IL15: variants seen among roughly 807,000 people sequenced by gnomAD.
IL15 encodes the protein interleukin 15, also known as interleukin-15.
Under a neutral mutation model 19.6 loss-of-function variants are expected in IL15, and 11 were observed. That is an observed-to-expected ratio of 0.56 (90% CI 0.35 to 0.93). IL15 has a LOEUF of 0.93. Among genes scored for constraint, IL15 ranks in the 40% least tolerant of loss-of-function variants. The probability of loss-of-function intolerance (pLI) is 0.01; values close to 1 mark genes in which losing one functional copy is unlikely to be tolerated. For synonymous variants in IL15, 58 were observed against 59.6 expected (o/e 0.97, Z 0.12); for missense variants, 197 against 186.5 (o/e 1.06, Z -0.33).
chr4:141,683,321 A>T (rs1189699603), intron 2 of IL15, among the ~76,000 whole-genome samples: 1 of 151,944 alleles, frequency 6.6e-6, no homozygotes, highest in African/African-American at 2.4e-5. Flanking sequence ...CTGTAATCCT[A>T]GCACTTTGGA....
chr4:141,658,603 G>C (rs987412339), intron 2 of IL15, among the ~76,000 whole-genome samples: 1 of 151,544 alleles, frequency 6.6e-6, no homozygotes, highest in Non-Finnish European at 1.5e-5. Context: ...AACACTCTCA[G>C]ATAGAATTCT....
intron 5 of IL15, among the ~76,000 whole-genome samples, chr4:141,725,283 A>G (rs2152191606): frequency 6.6e-6 from 1 of 152,282 alleles, no homozygotes; most frequent in South Asian, 2.1e-4. Flanking sequence ...TTGAAGTACT[A>G]ATTGCCAGTA....
In IL15 at chr4:141,732,891, A is replaced by T; in HGVS notation, c.*43A>T. On this transcript the variant is annotated 3_prime_UTR_variant, in exon 8 of 8. Transcript: ENST00000320650. ...TAAAGTGTTTCTGTTATTAACAAAC[A>T]TCACTCTGCTGCTTAGACATAACAA... is the stretch of plus-strand genomic sequence containing the variant. 6.3e-7 allele frequency: 1 copy of T among 1,591,532 alleles called. No individual in the cohort carries two copies.
At chr4:141,706,495 A>G (rs1729520241) in intron 2 of IL15, among the ~76,000 whole-genome samples, 1 of 152,040 alleles carries the variant, frequency 6.6e-6, no homozygotes, top group Non-Finnish European at 1.5e-5. Context: ...TTGATTTATG[A>G]ATTTACCTAT....
At chr4:141,721,091 C>A (rs1730057879) in intron 4 of IL15, 1 of 1,476,068 alleles carries the variant, frequency 6.8e-7, no homozygotes, top group African/African-American at 1.4e-5. Context: ...GCCCAAAGCA[C>A]CTAACCTATA....
chr4:141,690,198 C>T (rs959604569), intron 2 of IL15, among the ~76,000 whole-genome samples: 2 of 152,202 alleles, frequency 1.3e-5, no homozygotes, highest in Admixed American at 6.5e-5. Flanking sequence ...CCAGCTGGCC[C>T]GCAAGCGCCG....
intron 2 of IL15, among the ~76,000 whole-genome samples, chr4:141,711,435 T>C (rs1729714979): frequency 6.6e-6 from 1 of 152,146 alleles, no homozygotes; most frequent in African/African-American, 2.4e-5. Flanking sequence ...GGGAAGCTAG[T>C]GCAGCTAAGA....
chr4:141,732,789 A>G lies in IL15; in HGVS notation c.430A>G (p.Ile144Val). The G allele has an allele frequency of 6.2e-7, 1 of 1,613,056 alleles. No homozygotes were observed. The highest frequency in any genetic ancestry group is 8.5e-7 in the Non-Finnish European group (1 of 1,179,662). Residue 144 changes from isoleucine to valine, a missense_variant, in exon 8 of 8, where the codon ATT becomes GTT. By Grantham distance (29) the Ile-to-Val change is conservative. Transcript: ENST00000320650. ...KECEELEEKN[I>V]KEFLQSFVHI... is the part of the protein sequence containing the mutation. ...ATGTGAGGAACTGGAGGAAAAAAAT[A>G]TTAAAGAATTTTTGCAGAGTTTTGT...
intron 1 of IL15, among the ~76,000 whole-genome samples, chr4:141,642,159 C>A (rs556424044): frequency 6.6e-6 from 1 of 151,942 alleles, no homozygotes; most frequent in South Asian, 2.1e-4. Context: ...TATTTGGCAC[C>A]CTGGTGAGGC....
intron 2 of IL15, chr4:141,718,600 G>A (rs1729970525): frequency 1.3e-5 from 2 of 152,002 alleles, no homozygotes; most frequent in Admixed American, 1.3e-4. Context: ...TTCTTTCTAT[G>A]AGTTATAGAC....
intron 5 of IL15, among the ~76,000 whole-genome samples, chr4:141,723,059 A>C (rs1189325122): frequency 6.6e-6 from 1 of 152,154 alleles, no homozygotes; most frequent in Non-Finnish European, 1.5e-5. Context: ...ATGAGAATAC[A>C]CCAAGTAAAA....
At chr4:141,682,814 CG>C (rs1311727430) in intron 2 of IL15, among the ~76,000 whole-genome samples, 5 of 151,982 alleles carry the variant, frequency 3.3e-5, no homozygotes, top group Non-Finnish European at 7.4e-5. Flanking sequence ...AAAAATTAGC[CG>C]GGTGTGGTGG....
chr4:141,657,547 A>G (rs1225534496), intron 2 of IL15, among the ~76,000 whole-genome samples: 1 of 152,138 alleles, frequency 6.6e-6, no homozygotes, highest in Non-Finnish European at 1.5e-5. Flanking sequence ...GTTTCTCTTT[A>G]CATCCTTATT....
chr4:141,643,890 G>A (rs925452456), intron 1 of IL15, among the ~76,000 whole-genome samples: 4 of 151,700 alleles, frequency 2.6e-5, no homozygotes, highest in Non-Finnish European at 4.4e-5. Context: ...CTGATTGGAT[G>A]TCTAATACTC....
At chr4:141,669,923 A>G (rs892748287) in intron 2 of IL15, among the ~76,000 whole-genome samples, 1 of 151,928 alleles carries the variant, frequency 6.6e-6, no homozygotes, top group African/African-American at 2.4e-5. Context: ...CACCGTGTGG[A>G]TAATTTGAAA....
At chr4:141,670,682 G>C (rs1362329938) in intron 2 of IL15, among the ~76,000 whole-genome samples, 1 of 152,106 alleles carries the variant, frequency 6.6e-6, no homozygotes, top group African/African-American at 2.4e-5. Flanking sequence ...TATTTAAGAT[G>C]ATATGTTTCA....
chr4:141,662,981 C>T (rs1186889591), intron 2 of IL15, among the ~76,000 whole-genome samples: 1 of 151,454 alleles, frequency 6.6e-6, no homozygotes, highest in Non-Finnish European at 1.5e-5. Context: ...GTGCAAAACT[C>T]TTCATATTAT....
intron 2 of IL15, among the ~76,000 whole-genome samples, chr4:141,693,638 T>C (rs1002341678): frequency 1.3e-5 from 2 of 152,216 alleles, no homozygotes; most frequent in South Asian, 2.1e-4. Context: ...TATTGAGTGG[T>C]AATTGTATGA....
chr4:141,682,727 C>A (rs1014251030), intron 2 of IL15, among the ~76,000 whole-genome samples: 1 of 151,960 alleles, frequency 6.6e-6, no homozygotes, highest in Non-Finnish European at 1.5e-5. Flanking sequence ...GAGGCCGAGG[C>A]GGGTGGTTCA....
Sources: gnomAD v4.1 joint callset for allele counts (sites outside exome capture counted in the v4.1 genomes callset) on GRCh38, gnomAD v4.1.1 for gene constraint, MANE v1.5 for transcripts, NCBI Gene and HGNC (gene_info 2026-07-23, HGNC 2026-07-21) for gene names.